PLEKHG4: variants seen among roughly 807,000 people sequenced by gnomAD.
The protein encoded by PLEKHG4 is pleckstrin homology and RhoGEF domain containing G4, also known as puratrophin-1.
Under a neutral mutation model 136.9 loss-of-function variants are expected in PLEKHG4, and 85 were observed. The ratio of observed to expected loss-of-function variants is 0.62; its 90% CI spans 0.52 to 0.74. The LOEUF is 0.74. PLEKHG4 is among the 30% of genes least tolerant of loss of function. PLEKHG4 has a pLI of 0.00. For synonymous variants in PLEKHG4, 577 were observed against 646.9 expected (o/e 0.89, Z 1.64); for missense variants, 1,317 against 1,527.8 (o/e 0.86, Z 2.30).
In PLEKHG4 at chr16:67,288,794, G is replaced by C; in HGVS notation, c.3571-9G>C. 6.2e-7 allele frequency: 1 copy of C among 1,613,810 alleles called. No individual in the cohort carries two copies. Among genetic ancestry groups the C allele is most frequent in the Non-Finnish European group, 8.5e-7 (1 of 1,179,904 alleles). ...GAAGCAGGCATTCATGCCTGGCCTGGCCCTGCAGGTCTGAGCCCGGGACTG... is the reference window on the plus strand; with the variant it reads ...GAAGCAGGCATTCATGCCTGGCCTGCCCCTGCAGGTCTGAGCCCGGGACTG... On this transcript the variant is annotated splice_polypyrimidine_tract_variant and intron_variant, in intron 21 of 21. Coordinates refer to ENST00000379344, the MANE Select transcript of PLEKHG4 (RefSeq NM_001129729.3).
intron 14 of PLEKHG4, among the ~76,000 whole-genome samples, chr16:67,285,787 C>T (rs905929895): frequency 1.3e-5 from 2 of 152,018 alleles, no homozygotes; most frequent in Admixed American, 6.6e-5. Context: ...GGGGCAGGGG[C>T]TCCACTTTAG....
chr16:67,288,669 C>A, intron 21 of PLEKHG4, 65 bp downstream of exon 21: 1 of 1,601,942 alleles, frequency 6.2e-7, no homozygotes, highest in Non-Finnish European at 8.6e-7. Flanking sequence ...GTGACTGTGA[C>A]CAGCCCCTCC....
In PLEKHG4 at chr16:67,281,841, AGTACACT is replaced by A. The variant is rs1335576267; in HGVS notation, c.1005+6_1005+12del. The A allele has an allele frequency of 6.8e-6, 11 of 1,609,920 alleles. No individual in the cohort carries two copies. The highest frequency in any genetic ancestry group is 9.3e-6 in the Non-Finnish European group (11 of 1,177,626). On this transcript the variant is annotated splice_donor_5th_base_variant and intron_variant, in intron 7 of 21. Coordinates refer to ENST00000379344, the MANE Select transcript of PLEKHG4 (RefSeq NM_001129729.3). ...GGCCTGGCTGGATTTCCGAAGGGTC[AGTACACT>A]GGGTGGGGCATGGGGGCAGTCATAT... is the stretch of plus-strand genomic sequence containing the variant.
chr16:67,281,131 G>A lies in PLEKHG4; in HGVS notation c.760G>A (p.Ala254Thr), dbSNP rs781004890. ...QALGLTVLVD[A>T]RICAPSSSLF... ...ACTGGGACTGACAGTGCTAGTTGATGCCCGAATTTGTGCTCCAAGTTCTTC... is the reference window on the plus strand; with the variant it reads ...ACTGGGACTGACAGTGCTAGTTGATACCCGAATTTGTGCTCCAAGTTCTTC... Residue 254 changes from alanine to threonine, a missense_variant, in exon 5 of 22, where the codon GCC becomes ACC. Ala to Thr is a moderately conservative substitution (Grantham distance 58). Transcript: ENST00000379344. 6 of 1,613,968 alleles carry A rather than the reference G, an allele frequency of 3.7e-6. No individual in the cohort carries two copies. The South Asian group carries it at 6.6e-5, about 18-fold the overall frequency.
intron 4 of PLEKHG4, 42 bp from the exon 5 acceptor site, chr16:67,281,049 A>C: frequency 3.7e-6 from 6 of 1,613,944 alleles, no homozygotes; most frequent in Non-Finnish European, 5.1e-6. Flanking sequence ...GCCAGCTGTG[A>C]GGACTGGGAG....
Position 67,282,976 on chromosome 16 carries a change from G to A in PLEKHG4, c.1509+118G>A, listed in dbSNP as rs2036302757. ...CTTTCTTAGACCTTATAGTCCCATA[G>A]AAGATATCAGTTGTAATTAATCACA... On this transcript the variant is annotated intron_variant, in intron 11 of 21. Coordinates refer to ENST00000379344, the MANE Select transcript of PLEKHG4 (RefSeq NM_001129729.3). The A allele has an allele frequency of 1.3e-5, 10 of 771,920 alleles. No homozygotes were observed. The Admixed American group carries it at 2.0e-4, about 15-fold the overall frequency. 47.8% of individuals were successfully genotyped at this position (771,920 alleles called of 1,614,324 possible).
intron 10 of PLEKHG4, 26 bp downstream of exon 10, chr16:67,282,667 C>A (rs202060273): frequency 4.3e-6 from 7 of 1,613,644 alleles, no homozygotes; most frequent in Non-Finnish European, 5.9e-6. Flanking sequence ...CCAGAGTGGG[C>A]CCTGCCCCGA....
rs1334471748 is a variant in PLEKHG4 at position 67,288,859 on chromosome 16, A to T, written c.*51A>T. Reference sequence around the variant, plus strand: ...CCAGCAGCCTGCAGCTCCAAGGAACATTGCCTCTCTGGATCTGCTGTGACC... The same window carrying T: ...CCAGCAGCCTGCAGCTCCAAGGAACTTTGCCTCTCTGGATCTGCTGTGACC... On this transcript the variant is annotated 3_prime_UTR_variant, in exon 22 of 22. Transcript: ENST00000379344. The T allele has an allele frequency of 6.2e-7, 1 of 1,605,322 alleles. No individual in the cohort carries two copies. The highest frequency in any genetic ancestry group is 8.5e-7 in the Non-Finnish European group (1 of 1,174,632).
chr16:67,280,707 C>A lies in PLEKHG4; in HGVS notation c.500-4C>A. 2 of 1,614,082 alleles carry A rather than the reference C, an allele frequency of 1.2e-6. No homozygotes were observed. Among genetic ancestry groups the A allele is most frequent in the South Asian group, 1.1e-5 (1 of 91,088 alleles). On this transcript the variant is annotated splice_polypyrimidine_tract_variant and splice_region_variant and intron_variant, in intron 2 of 21. Coordinates refer to ENST00000379344, the MANE Select transcript of PLEKHG4 (RefSeq NM_001129729.3). This position sits in a 1 kb window ranked among gnomAD's most constrained non-coding sequence, Gnocchi z 4.4. ...GGCAGACCCAAGTCATTTCCCTTCC[C>A]AAGCCCCCAGTGGATCCGGCCTCCC...
chr16:67,286,749 G>T lies in PLEKHG4; in HGVS notation c.2755G>T (p.Val919Phe), dbSNP rs1289584686. 112 of 1,613,686 alleles carry T rather than the reference G, an allele frequency of 6.9e-5. No homozygotes were observed. Among genetic ancestry groups the T allele is most frequent in the Non-Finnish European group, 9.3e-5 (110 of 1,179,796 alleles). Residue 919 changes from valine to phenylalanine, a missense_variant and splice_region_variant, in exon 17 of 22, where the codon GTT becomes TTT. Physicochemically the swap from Val to Phe is conservative, Grantham distance 50 (BLOSUM62 -1). Coordinates refer to ENST00000379344, the MANE Select transcript of PLEKHG4 (RefSeq NM_001129729.3). Reference sequence around the variant, plus strand: ...CACCCACCAGCCCCCAACTCTGCAGGTTAACCTCAAGGAACAGGGGCAGCT... The same window carrying T: ...CACCCACCAGCCCCCAACTCTGCAGTTTAACCTCAAGGAACAGGGGCAGCT... ...LAMDAIQGCD[V>F]NLKEQGQLVR...
At chr16:67,278,620 A>T (rs1464169561), upstream of PLEKHG4, 2 of 152,280 alleles carry the variant, frequency 1.3e-5, no homozygotes, top group Non-Finnish European at 2.9e-5. Context: ...ACTGCGGGTG[A>T]AATGAGGGGG....
rs767534895 is a variant in PLEKHG4 at position 67,281,852 on chromosome 16, T to C, written c.1005+15T>C. 1 of 1,600,880 alleles carries C rather than the reference T, an allele frequency of 6.2e-7. No individual in the cohort carries two copies. Among genetic ancestry groups the C allele is most frequent in the Non-Finnish European group, 8.5e-7 (1 of 1,169,944 alleles). ...ATTTCCGAAGGGTCAGTACACTGGG[T>C]GGGGCATGGGGGCAGTCATATAGGC... On this transcript the variant is annotated intron_variant, in intron 7 of 21. Coordinates refer to ENST00000379344, the MANE Select transcript of PLEKHG4 (RefSeq NM_001129729.3).
At position 67,286,998 on chromosome 16, in the gene PLEKHG4, A is replaced by T; in HGVS notation, c.2926-2A>T. The T allele has an allele frequency of 1.2e-6, 2 of 1,613,188 alleles. No individual in the cohort carries two copies. The highest frequency in any genetic ancestry group is 1.7e-6 in the Non-Finnish European group (2 of 1,179,978). ...CAAGCCCCTCTCTCCCGCTGGCCAC[A>T]GATGGCAGACCTTGGTCTCACTGAG... On this transcript the variant is annotated splice_acceptor_variant, in intron 17 of 21. Transcript: ENST00000379344. LOFTEE classifies it high-confidence loss of function.
At chr16:67,285,919 C>G (rs1183934873) in intron 14 of PLEKHG4, among the ~76,000 whole-genome samples, 1 of 152,014 alleles carries the variant, frequency 6.6e-6, no homozygotes, top group Admixed American at 6.6e-5. Flanking sequence ...AGAGCAAGTA[C>G]AAGGTCGTGT....
intron 21 of PLEKHG4, 71 bp downstream of exon 21, chr16:67,288,675 C>A (rs937096213): frequency 3.1e-6 from 5 of 1,600,626 alleles, no homozygotes; most frequent in Non-Finnish European, 4.3e-6. Flanking sequence ...GTGACCAGCC[C>A]CTCCCCAGCC....
chr16:67,277,652 C>T (rs1412182906), upstream of PLEKHG4: 1 of 152,480 alleles, frequency 6.6e-6, no homozygotes, highest in African/African-American at 2.4e-5. Context: ...TCCTTTCAGG[C>T]TGAGTCTCTG....
At position 67,289,317 on chromosome 16, in the gene PLEKHG4, A is replaced by G. The variant is rs2036635777; in HGVS notation, c.*509A>G. ...AGGCCCAGCCCCTTTTTACTGGGGC[A>G]GTTTCGTTATTTTGACTTGATGCCT... On this transcript the variant is annotated 3_prime_UTR_variant, in exon 22 of 22. Transcript: ENST00000379344. The G allele has an allele frequency of 2.2e-6, 1 of 449,740 alleles. No individual in the cohort carries two copies. The highest frequency in any genetic ancestry group is 3.9e-5 in the Admixed American group (1 of 25,574). The allele number at this position is 449,740 out of a possible 1,614,324, so 27.9% of individuals were successfully genotyped here. A position where few individuals can be genotyped will look rare whatever the true frequency, so the allele number is the denominator to read the frequency against.
rs2036354174 is a variant in PLEKHG4 at position 67,284,210 on chromosome 16, G to A, written c.1510-65G>A. 2.1e-6 allele frequency: 3 copies of A among 1,412,034 alleles called. No individual in the cohort carries two copies. The South Asian group carries it at 3.6e-5, about 17-fold the overall frequency. The allele number at this position is 1,412,034 out of a possible 1,614,324, so 87.5% of individuals were successfully genotyped here. A position where few individuals can be genotyped will look rare whatever the true frequency, so the allele number is the denominator to read the frequency against. On this transcript the variant is annotated intron_variant, in intron 11 of 21. Transcript: ENST00000379344. This position sits in a 1 kb window ranked among gnomAD's most constrained non-coding sequence, Gnocchi z 4.4. The stretch of plus-strand genomic sequence containing the variant: ...GGACATGTCGATATGTCAGCAGGAA[G>A]TATCTGAGTCTGGGGGCTAGACCGC...
rs1029234720 is a variant in PLEKHG4, at chr16:67,281,474, G to A, written c.814-93G>A. 56 of 1,051,546 alleles carry A rather than the reference G, an allele frequency of 5.3e-5. 1 individual carries two copies. The East Asian group carries it at 1.2e-3, about 22-fold the overall frequency. 65.1% of individuals were successfully genotyped at this position (1,051,546 alleles called of 1,614,324 possible). A position where few individuals can be genotyped will look rare whatever the true frequency, so the allele number is the denominator to read the frequency against. On this transcript the variant is annotated intron_variant, in intron 5 of 21. Coordinates refer to ENST00000379344, the MANE Select transcript of PLEKHG4 (RefSeq NM_001129729.3). ...ACTCCTGAACTCAGGTGATCCTCCC[G>A]CCTCGCCTCCCAGAGTGCCGCAATT...
Sources: gnomAD v4.1 joint callset for allele counts (sites outside exome capture counted in the v4.1 genomes callset) on GRCh38, gnomAD v4.1.1 for gene constraint, Gnocchi (gnomAD v3.1) non-coding constraint, MANE v1.5 for transcripts, NCBI Gene and HGNC (gene_info 2026-07-23, HGNC 2026-07-21) for gene names.